The following MAP4 variants were observed in gnomAD, a reference collection of about 807,000 sequenced individuals.
MAP4 encodes the protein microtubule-associated protein 4.
Under a neutral mutation model 170.2 loss-of-function variants are expected in MAP4, and 76 were observed. The ratio of observed to expected loss-of-function variants is 0.45; its 90% CI spans 0.37 to 0.54. MAP4 has a LOEUF of 0.54. Ranked by LOEUF, MAP4 falls within the 20% of genes least tolerant of loss-of-function variation. MAP4 has a pLI of 0.00. For missense variants in MAP4, 2,506 were observed against 2,748.0 expected (o/e 0.91, Z 1.97); for synonymous variants, 909 against 994.5 (o/e 0.91, Z 1.62).
At chr3:47,923,741 G>A (rs1020038536) in intron 4 of MAP4, among the ~76,000 whole-genome samples, 4 of 152,088 alleles carry the variant, frequency 2.6e-5, no homozygotes, top group African/African-American at 4.8e-5. Flanking sequence ...ACTTGAGCCT[G>A]GGGAGGTTGA....
intron 2 of MAP4, among the ~76,000 whole-genome samples, chr3:47,991,595 C>T (rs1578919207): frequency 6.6e-6 from 1 of 152,028 alleles, no homozygotes; most frequent in Non-Finnish European, 1.5e-5. Flanking sequence ...CCAGGAGTTA[C>T]GTTAGATGTT....
chr3:48,069,463 C>G (rs2100139935), intron 1 of MAP4, among the ~76,000 whole-genome samples: 1 of 152,142 alleles, frequency 6.6e-6, no homozygotes, highest in South Asian at 2.1e-4. Context: ...CAGTCCAGTG[C>G]TATTACTGCC....
At chr3:47,874,060 C>G (rs915013358) in intron 12 of MAP4, among the ~76,000 whole-genome samples, 2 of 152,216 alleles carry the variant, frequency 1.3e-5, no homozygotes, top group African/African-American at 2.4e-5. Context: ...AGGCCACTGG[C>G]CAAATCTGGG....
intron 1 of MAP4, among the ~76,000 whole-genome samples, chr3:48,002,665 G>A (rs538315184): frequency 6.6e-6 from 1 of 152,240 alleles, no homozygotes; most frequent in East Asian, 1.9e-4. Context: ...TGGATCACTT[G>A]AGGCCAGGAG....
At chr3:47,885,509 A>G (rs187276245) in intron 10 of MAP4, among the ~76,000 whole-genome samples, 1 of 152,286 alleles carries the variant, frequency 6.6e-6, no homozygotes, top group Admixed American at 6.5e-5. Flanking sequence ...ATCTTCAATT[A>G]TTTCCAGACT....
chr3:48,039,850 T>C (rs1482744904), intron 1 of MAP4, among the ~76,000 whole-genome samples: 2 of 152,238 alleles, frequency 1.3e-5, no homozygotes, highest in South Asian at 2.1e-4. Flanking sequence ...TGGTTTTTAA[T>C]CTGAACATTG....
At chr3:48,059,631 T>C (rs2100134109) in intron 1 of MAP4, among the ~76,000 whole-genome samples, 2 of 152,014 alleles carry the variant, frequency 1.3e-5, no homozygotes, top group African/African-American at 4.8e-5. Context: ...ATCTTAATTA[T>C]TTGAGAATTC....
intron 10 of MAP4, among the ~76,000 whole-genome samples, chr3:47,890,041 C>A (rs2098295763): frequency 1.3e-5 from 2 of 151,488 alleles, no homozygotes; most frequent in Non-Finnish European, 2.9e-5. Flanking sequence ...TAAAAATATA[C>A]TGAGAGTAAT....
At chr3:48,031,595 C>A (rs543774950) in intron 1 of MAP4, among the ~76,000 whole-genome samples, 1 of 151,736 alleles carries the variant, frequency 6.6e-6, no homozygotes, top group Non-Finnish European at 1.5e-5. Context: ...CATGGTGGTA[C>A]GTGCCTGTAG....
chr3:47,852,380 G>GT lies in MAP4; in HGVS notation c.*553_*554insA, dbSNP rs1559746497. The GT allele has an allele frequency of 2.2e-5, 4 of 180,772 alleles. No homozygotes were observed. The highest frequency in any genetic ancestry group is 9.7e-5 in the African/African-American group (4 of 41,254). 11.2% of individuals were successfully genotyped at this position (180,772 alleles called of 1,614,324 possible). The stretch of plus-strand genomic sequence containing the variant: ...GGGCCCGACACCACCTGCATGGGGA[G>GT]GGGGGGGCGCCCATTTGTGGGACCA... On this transcript the variant is annotated 3_prime_UTR_variant, in exon 21 of 21. Coordinates refer to ENST00000683076, the MANE Select transcript of MAP4 (RefSeq NM_001385682.1).
chr3:47,916,636 T>C lies in MAP4; in HGVS notation c.1191A>G (p.Gly397=). 6.2e-7 allele frequency: 1 copy of C among 1,614,192 alleles called. No homozygotes were observed. Among genetic ancestry groups the C allele is most frequent in the East Asian group, 2.2e-5 (1 of 44,890 alleles). The part of the protein sequence containing the change: ...KMDLAPSKDM[G]PPKENKIVPA... ...GGACTATCTTGTTTTCTTTGGGTGG[T>C]CCCATGTCCTTGGAAGGAGCCAAGT... The change falls in exon 7 of 21, where the codon GGA becomes GGG. Residue 397 remains glycine, a synonymous_variant. Coordinates refer to ENST00000683076, the MANE Select transcript of MAP4 (RefSeq NM_001385682.1).
chr3:48,088,485 T>A (rs2100150567), intron 1 of MAP4, among the ~76,000 whole-genome samples: 1 of 151,878 alleles, frequency 6.6e-6, no homozygotes, highest in Admixed American at 6.6e-5. Flanking sequence ...CCAAGGCATG[T>A]CGCTCGGCCC....
chr3:48,032,011 CCT>C (rs1236584067), intron 1 of MAP4, among the ~76,000 whole-genome samples: 3 of 151,996 alleles, frequency 2.0e-5, no homozygotes, highest in Non-Finnish European at 4.4e-5. Flanking sequence ...AAAAGCATAA[CCT>C]CTGTCTAATC....
intron 3 of MAP4, chr3:47,960,705 C>T (rs2100071049): frequency 6.2e-6 from 1 of 161,306 alleles, no homozygotes; most frequent in South Asian, 1.9e-4. Context: ...CTTCTTACTA[C>T]TAACACTTCA....
rs773286940 is a variant in MAP4 at position 47,915,969 on chromosome 3, T to C, written c.1858A>G (p.Thr620Ala). ...CACGTACCTGGTGAAATCATGAAAGTAGGTGCAGCTGACTGCCCCACATCC... is the reference window on the plus strand; with the variant it reads ...CACGTACCTGGTGAAATCATGAAAGCAGGTGCAGCTGACTGCCCCACATCC... Reference protein sequence around the residue: ...LQDVGQSAAPTFMISPETVTG... With the variant: ...LQDVGQSAAPAFMISPETVTG... The change falls in exon 7 of 21, where the codon ACT (threonine) becomes GCT (alanine). Residue 620 changes from threonine to alanine, a missense_variant. By Grantham distance (58) the Thr-to-Ala change is moderately conservative. Transcript: ENST00000683076. 5.0e-6 allele frequency: 8 copies of C among 1,612,108 alleles called. No homozygotes were observed. Among genetic ancestry groups the C allele is most frequent in the South Asian group, 1.1e-5 (1 of 90,634 alleles).
chr3:48,056,885 G>A (rs1430864372), intron 1 of MAP4, among the ~76,000 whole-genome samples: 1 of 138,986 alleles, frequency 7.2e-6, no homozygotes, highest in Non-Finnish European at 1.6e-5. Flanking sequence ...CCCCGTCCGG[G>A]AGGTGAGGGG....
At chr3:48,045,393 T>C (rs1390164070) in intron 1 of MAP4, among the ~76,000 whole-genome samples, 1 of 152,020 alleles carries the variant, frequency 6.6e-6, no homozygotes, top group Non-Finnish European at 1.5e-5. Flanking sequence ...GGCGAGCATC[T>C]CTGCCTCCTG....
At chr3:47,894,304 C>T (rs927684858) in intron 10 of MAP4, among the ~76,000 whole-genome samples, 3 of 152,150 alleles carry the variant, frequency 2.0e-5, no homozygotes, top group South Asian at 2.1e-4. Context: ...TATGATTGGC[C>T]GGGTGTGGTG....
intron 2 of MAP4, among the ~76,000 whole-genome samples, chr3:47,992,658 T>C (rs1255152205): frequency 1.3e-5 from 2 of 152,052 alleles, no homozygotes; most frequent in African/African-American, 2.4e-5. Context: ...ATGAAAAAAT[T>C]ATTCATGGAT....
Sources: gnomAD v4.1 joint callset for allele counts (sites outside exome capture counted in the v4.1 genomes callset) on GRCh38, gnomAD v4.1.1 for gene constraint, MANE v1.5 for transcripts, NCBI Gene and HGNC (gene_info 2026-07-23, HGNC 2026-07-21) for gene names.